Variants in DMD observed in about 807,000 individuals in gnomAD.
DMD encodes mutant dystrophin.
DMD carries 63 observed loss-of-function variants against 330.1 expected under a neutral mutation model. The observed-to-expected ratio is 0.19, with a 90% CI of 0.16 to 0.24. DMD has a LOEUF of 0.24. Among genes scored for constraint, DMD ranks in the 10% least tolerant of loss-of-function variants. The pLI is 1.00. For synonymous variants in DMD, 1,223 were observed against 959.8 expected (o/e 1.27, Z -5.07); for missense variants, 3,344 against 2,684.1 (o/e 1.25, Z -5.43).
intron 53 of DMD, among the ~76,000 whole-genome samples, chrX:31,668,769 C>T (rs2081576657): frequency 9.0e-6 from 1 of 111,497 alleles, no homozygotes; most frequent in South Asian, 3.8e-4. Flanking sequence ...TTTTCCACCC[C>T]TAAATCCACA....
At chrX:32,357,146 C>T (rs1247261867) in intron 37 of DMD, among the ~76,000 whole-genome samples, 5 of 112,027 alleles carry the variant, frequency 4.5e-5, no homozygotes, top group Non-Finnish European at 9.4e-5. Flanking sequence ...GCAGCGGCCT[C>T]CCAAAGTGTT....
chrX:31,333,232 A>C (rs951482901), intron 61 of DMD, among the ~76,000 whole-genome samples: 1 of 111,218 alleles, frequency 9.0e-6, no homozygotes, highest in African/African-American at 3.3e-5. Flanking sequence ...GAAATAAATA[A>C]AACATTCTTG....
At chrX:32,900,738 G>C (rs977712533) in intron 2 of DMD, among the ~76,000 whole-genome samples, 3 of 110,550 alleles carry the variant, frequency 2.7e-5, no homozygotes, top group African/African-American at 9.9e-5. Context: ...TACATCTATA[G>C]CAAATGAAAA....
chrX:32,210,234 A>T (rs1409473113), intron 44 of DMD, among the ~76,000 whole-genome samples: 1 of 112,271 alleles, frequency 8.9e-6, no homozygotes, highest in African/African-American at 3.2e-5. Context: ...TCTTAGCAGT[A>T]AATTTTCCGG....
chrX:32,868,707 T>A (rs894313801), intron 2 of DMD, among the ~76,000 whole-genome samples: 2 of 112,307 alleles, frequency 1.8e-5, no homozygotes, highest in Non-Finnish European at 3.8e-5. Context: ...CTTGCAGGAA[T>A]TCCAGTAACT....
intron 1 of DMD, among the ~76,000 whole-genome samples, chrX:33,140,899 T>C (rs2047762294): frequency 8.9e-6 from 1 of 112,071 alleles, no homozygotes; most frequent in African/African-American, 3.2e-5. Flanking sequence ...CAAGTTATGA[T>C]TTTTTTAGTG....
At chrX:31,446,930 T>A (rs937568045) in intron 59 of DMD, among the ~76,000 whole-genome samples, 3 of 111,420 alleles carry the variant, frequency 2.7e-5, no homozygotes, top group Admixed American at 9.6e-5. Flanking sequence ...TACAGGTGAG[T>A]CCTTTGTGCT....
chrX:32,312,840 T>C (rs1302519662), intron 41 of DMD, among the ~76,000 whole-genome samples: 2 of 102,057 alleles, frequency 2.0e-5, no homozygotes, highest in East Asian at 6.2e-4. Flanking sequence ...ATGGATAAAT[T>C]CCTGGACACA....
chrX:32,237,806 AT>A (rs1289664594), intron 43 of DMD, among the ~76,000 whole-genome samples: 5 of 112,092 alleles, frequency 4.5e-5, no homozygotes, highest in South Asian at 3.7e-4. Context: ...ATCAGCTTAG[AT>A]TCCTGAGTGA....
intron 1 of DMD, among the ~76,000 whole-genome samples, chrX:33,190,078 T>C (rs1449401186): frequency 8.9e-6 from 1 of 111,882 alleles, no homozygotes; most frequent in Non-Finnish European, 1.9e-5. Context: ...TTATAATTTA[T>C]CTTCTCTGTT....
intron 44 of DMD, among the ~76,000 whole-genome samples, chrX:32,177,654 C>T (rs889197429): frequency 9.0e-6 from 1 of 110,758 alleles, no homozygotes. Context: ...CTCAGAATCT[C>T]ATGAGATTCA....
intron 1 of DMD, among the ~76,000 whole-genome samples, chrX:33,146,756 C>T (rs1356109786): frequency 2.7e-5 from 3 of 111,746 alleles, no homozygotes; most frequent in African/African-American, 9.8e-5. Flanking sequence ...AGGCTTAGTC[C>T]TCAATAAGTA....
chrX:31,314,848 C>A (rs940656691), intron 62 of DMD, among the ~76,000 whole-genome samples: 3 of 110,682 alleles, frequency 2.7e-5, no homozygotes, highest in African/African-American at 9.9e-5. Context: ...CCTACTCCCC[C>A]ACCCTATCCC....
intron 27 of DMD, 30 bp downstream of exon 27, chrX:32,448,426 C>T: frequency 8.3e-7 from 1 of 1,200,491 alleles, no homozygotes; most frequent in African/African-American, 1.7e-5. Flanking sequence ...ATTGACATAT[C>T]ATTGACAAAG....
intron 1 of DMD, among the ~76,000 whole-genome samples, chrX:33,188,755 C>T (rs1002924651): frequency 1.8e-5 from 2 of 111,792 alleles, no homozygotes; most frequent in African/African-American, 6.5e-5. Flanking sequence ...CAGAATGTGA[C>T]TGTAGTTGGA....
chrX:33,031,341 C>T (rs1336882594), intron 1 of DMD, among the ~76,000 whole-genome samples: 1 of 110,601 alleles, frequency 9.0e-6, no homozygotes, highest in Non-Finnish European at 1.9e-5. Flanking sequence ...GCTAAGCATG[C>T]CCTGTAGGGC....
Position 32,468,577 on chromosome X carries a change from C to T in DMD, c.3083G>A (p.Arg1028His), listed in dbSNP as rs746322769. Residue 1028 changes from arginine to histidine, a missense_variant, in exon 23 of 79, where the codon CGC becomes CAC. By Grantham distance (29) the Arg-to-His change is conservative. Transcript: ENST00000357033. ...CAGCTGGGAGGAGAGCTTCTTCCAG[C>T]GTCCCTCAATTTCTTCAAATTCTGA... ...YQSEFEEIEG[R>H]WKKLSSQLVE... 1.4e-5 allele frequency: 17 copies of T among 1,208,846 alleles called. No individual in the cohort carries two copies. The East Asian group carries it at 2.1e-4, about 15-fold the overall frequency.
At chrX:32,383,079 T>C (rs1166240340) in intron 33 of DMD, among the ~76,000 whole-genome samples, 2 of 110,994 alleles carry the variant, frequency 1.8e-5, no homozygotes, top group Admixed American at 9.6e-5. Flanking sequence ...AAAGGGGTTA[T>C]AGGTATTATT....
intron 74 of DMD, among the ~76,000 whole-genome samples, chrX:31,161,393 A>T (rs1204953399): frequency 1.8e-5 from 2 of 111,846 alleles, no homozygotes; most frequent in Admixed American, 1.9e-4. Context: ...CTGAAAACTG[A>T]ATACGTAAAA....
Sources: gnomAD v4.1 joint callset for allele counts (sites outside exome capture counted in the v4.1 genomes callset) on GRCh38, gnomAD v4.1.1 for gene constraint, MANE v1.5 for transcripts, NCBI Gene and HGNC (gene_info 2026-07-23, HGNC 2026-07-21) for gene names.